RALGAPA1: variants seen among roughly 807,000 people sequenced by gnomAD.
The protein encoded by RALGAPA1 is ral GTPase-activating protein subunit alpha-1.
A neutral mutation model predicts 269.6 loss-of-function variants in RALGAPA1; 52 were observed. The ratio of observed to expected loss-of-function variants is 0.19; its 90% CI spans 0.15 to 0.24. RALGAPA1 has a LOEUF of 0.24. Ranked by LOEUF, RALGAPA1 falls within the 10% of genes least tolerant of loss-of-function variation. The pLI, the probability that RALGAPA1 is intolerant of heterozygous loss-of-function variation, is 1.00. For missense variants in RALGAPA1, 1,917 were observed against 3,013.9 expected, an observed-to-expected ratio of 0.64 and a Z score of 8.52; for synonymous variants, 817 against 1,008.3, an observed-to-expected ratio of 0.81 and a Z score of 3.60.
intron 12 of RALGAPA1, among the ~76,000 whole-genome samples, chr14:35,729,259 C>A (rs2070247421): frequency 6.6e-6 from 1 of 151,856 alleles, no homozygotes; most frequent in Non-Finnish European, 1.5e-5. Context: ...TACTATATCC[C>A]ATCAAAATAT....
intron 26 of RALGAPA1, among the ~76,000 whole-genome samples, chr14:35,665,526 C>T (rs2063857159): frequency 6.6e-6 from 1 of 152,084 alleles, no homozygotes; most frequent in Non-Finnish European, 1.5e-5. Context: ...TACTTCTATT[C>T]ACATAAATTA....
intron 39 of RALGAPA1, among the ~76,000 whole-genome samples, chr14:35,567,557 G>A (rs772005260): frequency 6.6e-6 from 1 of 152,032 alleles, no homozygotes; most frequent in Non-Finnish European, 1.5e-5. Flanking sequence ...CAGAGCTTGA[G>A]TTAAAAATTA....
intron 1 of RALGAPA1, among the ~76,000 whole-genome samples, chr14:35,801,349 A>C (rs1418826870): frequency 6.6e-6 from 1 of 151,570 alleles, no homozygotes; most frequent in East Asian, 1.9e-4. Flanking sequence ...GCTCACTGCA[A>C]CCTCTGCCTC....
At chr14:35,645,966 C>T (rs568511969) in intron 31 of RALGAPA1, among the ~76,000 whole-genome samples, 1 of 152,100 alleles carries the variant, frequency 6.6e-6, no homozygotes, top group African/African-American at 2.4e-5. Context: ...TTTGAAGGGG[C>T]TCCCACTGGC....
At chr14:35,645,795 C>T (rs2062401695) in intron 31 of RALGAPA1, among the ~76,000 whole-genome samples, 1 of 150,468 alleles carries the variant, frequency 6.6e-6, no homozygotes, top group African/African-American at 2.4e-5. Flanking sequence ...ATACTGATTT[C>T]TAAACACCAT....
At chr14:35,764,499 G>A (rs1378704311) in intron 4 of RALGAPA1, among the ~76,000 whole-genome samples, 3 of 151,970 alleles carry the variant, frequency 2.0e-5, no homozygotes, top group African/African-American at 7.3e-5. Flanking sequence ...TTTGTTGGGT[G>A]GGGAGGTGGT....
intron 10 of RALGAPA1, among the ~76,000 whole-genome samples, chr14:35,745,465 T>C: frequency 6.6e-6 from 1 of 150,714 alleles, no homozygotes; most frequent in East Asian, 1.9e-4. Context: ...TTATCCAGCC[T>C]TTAAAAAGCA....
chr14:35,654,111 T>A (rs138885524), intron 30 of RALGAPA1, among the ~76,000 whole-genome samples: 735 of 152,324 alleles, frequency 4.8e-3, no homozygotes, highest in African/African-American at 0.016. Context: ...GTGCCTGGAT[T>A]ACAGGCATAA....
intron 3 of RALGAPA1, among the ~76,000 whole-genome samples, chr14:35,774,378 CAAT>C (rs1340084907): frequency 1.3e-5 from 2 of 151,422 alleles, no homozygotes; most frequent in Non-Finnish European, 2.9e-5. Flanking sequence ...CTTTGAAAGA[CAAT>C]AAAGAGCAAG....
At chr14:35,744,522 G>A (rs1595400509) in intron 10 of RALGAPA1, among the ~76,000 whole-genome samples, 1 of 151,882 alleles carries the variant, frequency 6.6e-6, no homozygotes, top group South Asian at 2.1e-4. Context: ...TAATAATCAC[G>A]TGGTCAAATG....
chr14:35,575,117 G>C lies in RALGAPA1; in HGVS notation c.7210-2399C>G, dbSNP rs142074050. Among the ~76,000 whole-genome samples the C allele has an allele frequency of 3.3e-3, 406 of 123,704 alleles. 2 individuals carry two copies. The highest frequency in any genetic ancestry group is 9.1e-3 in the African/African-American group (292 of 32,026). The allele number at this position is 123,704 out of a possible 152,430, so 81.2% of individuals were successfully genotyped here. A position where few individuals can be genotyped will look rare whatever the true frequency, so the allele number is the denominator to read the frequency against. On this transcript the variant is annotated intron_variant, in intron 37 of 41. Coordinates refer to ENST00000680220, the MANE Select transcript of RALGAPA1 (RefSeq NM_001346249.2). ...CACTCCAGCCTGTGCGACACAGTGAGACTCCATCTCAAAGAAAAAAAAAAA... is the reference window on the plus strand; with the variant it reads ...CACTCCAGCCTGTGCGACACAGTGACACTCCATCTCAAAGAAAAAAAAAAA...
chr14:35,549,662 A>G (rs1047410578), intron 39 of RALGAPA1, among the ~76,000 whole-genome samples: 4 of 152,202 alleles, frequency 2.6e-5, no homozygotes, highest in African/African-American at 9.7e-5. Flanking sequence ...AATGTTGCTT[A>G]AGATACTACG....
At chr14:35,621,653 A>T (rs534655846) in intron 35 of RALGAPA1, among the ~76,000 whole-genome samples, 29 of 151,114 alleles carry the variant, frequency 1.9e-4, no homozygotes, top group African/African-American at 6.5e-4. Flanking sequence ...CAATGAACTC[A>T]AACAAATTTA....
Position 35,684,627 on chromosome 14 carries a change from A to G in RALGAPA1, c.4294+302T>C, listed in dbSNP as rs568098516. On this transcript the variant is annotated intron_variant, in intron 20 of 41. Coordinates refer to ENST00000680220, the MANE Select transcript of RALGAPA1 (RefSeq NM_001346249.2). ...TAGCTTCAACTTAAGGTGATTCCCTAAAACTTCCTTTGAAATTTCACTGAA... is the reference window on the plus strand; with the variant it reads ...TAGCTTCAACTTAAGGTGATTCCCTGAAACTTCCTTTGAAATTTCACTGAA... Among the ~76,000 whole-genome samples the G allele has an allele frequency of 3.9e-5, 6 of 152,298 alleles. No individual in the cohort carries two copies. The East Asian group carries it at 1.2e-3, about 29-fold the overall frequency.
At position 35,700,412 on chromosome 14, in the gene RALGAPA1, GA is replaced by G. The variant is rs1269424784; in HGVS notation, c.2267-111del. 6 of 826,324 alleles carry G rather than the reference GA, an allele frequency of 7.3e-6. No individual in the cohort carries two copies. In the African/African-American group the frequency reaches 1.1e-4, roughly 14 times the overall value. 51.2% of individuals were successfully genotyped at this position (826,324 alleles called of 1,614,324 possible). On this transcript the variant is annotated intron_variant, in intron 16 of 41. Transcript: ENST00000680220. ...ACAGAGAAAACTAAAAGGTACAAAG[GA>G]AGGAAATTATAAATTAAAACATTTC...
chr14:35,576,771 C>A (rs2057590834), intron 37 of RALGAPA1, among the ~76,000 whole-genome samples: 1 of 152,092 alleles, frequency 6.6e-6, no homozygotes, highest in South Asian at 2.1e-4. Flanking sequence ...AGTAACTCGC[C>A]TAAGGTCATA....
rs140899909 is a variant in RALGAPA1 at position 35,541,764 on chromosome 14, C to T, written c.*24-2074G>A. ...CCTTGAGATGGCCAATGTTTTCTAGCGGAGGTTTTGGGAGGAAGAGAACTA... is the reference window on the plus strand; with the variant it reads ...CCTTGAGATGGCCAATGTTTTCTAGTGGAGGTTTTGGGAGGAAGAGAACTA... On this transcript the variant is annotated intron_variant, in intron 41 of 41. Transcript: ENST00000680220. The T allele has an allele frequency of 2.1e-4, 97 of 456,964 alleles. No individual in the cohort carries two copies. The East Asian group carries it at 2.9e-3, about 13-fold the overall frequency. The allele number at this position is 456,964 out of a possible 1,614,324, so 28.3% of individuals were successfully genotyped here.
At chr14:35,694,689 T>C (rs1323787384) in intron 17 of RALGAPA1, among the ~76,000 whole-genome samples, 2 of 152,306 alleles carry the variant, frequency 1.3e-5, no homozygotes, top group Admixed American at 6.5e-5. Context: ...ATACATTTTT[T>C]ATGTTAAGAA....
chr14:35,568,134 A>C (rs1765550217), intron 39 of RALGAPA1, among the ~76,000 whole-genome samples: 1 of 152,192 alleles, frequency 6.6e-6, no homozygotes, highest in African/African-American at 2.4e-5. Context: ...GCCAATAAAC[A>C]GATTAAAACT....
Sources: allele counts gnomAD v4.1 joint callset (sites outside exome capture counted in the v4.1 genomes callset), GRCh38; gene constraint gnomAD v4.1.1; transcripts MANE v1.5; gene names NCBI Gene and HGNC (gene_info 2026-07-23, HGNC 2026-07-21).